The following NECTIN3 variants were observed in gnomAD, a reference collection of about 807,000 sequenced individuals.
NECTIN3 encodes the protein nectin-3.
In NECTIN3, 8 loss-of-function variants were observed where a neutral mutation model predicts 49.4. That is an observed-to-expected ratio of 0.16 (90% confidence interval 0.10 to 0.29). The LOEUF is 0.29. Among genes scored for constraint, NECTIN3 ranks in the 10% least tolerant of loss-of-function variants. NECTIN3 has a pLI of 1.00. For missense variants in NECTIN3, 581 were observed against 654.6 expected (o/e 0.89, Z 1.23); for synonymous variants, 277 against 241.1 (o/e 1.15, Z -1.38).
intron 7 of NECTIN3, among the ~76,000 whole-genome samples, chr3:111,149,217 G>A (rs2034947115): frequency 6.6e-6 from 1 of 152,036 alleles, no homozygotes; most frequent in Non-Finnish European, 1.5e-5. Context: ...CCTAAACCAA[G>A]ATACTGCTGT....
intron 1 of NECTIN3, among the ~76,000 whole-genome samples, chr3:111,090,929 AGT>A (rs112171056): frequency 9.8e-4 from 138 of 140,136 alleles, no homozygotes; most frequent in African/African-American, 2.9e-3. Flanking sequence ...CATTAGTGCT[AGT>A]GTGTGTGTGT....
At position 111,136,165 on chromosome 3, in the gene NECTIN3, C is replaced by A; in HGVS notation, c.*1950C>A. ...GCTTTTTTTAAAATCAAAATTTCAT[C>A]TTTTAAAATAATGGTTTGAAATACT... On this transcript the variant is annotated 3_prime_UTR_variant, in exon 6 of 6. Transcript: ENST00000485303. The A allele has an allele frequency of 1.0e-6, 1 of 977,208 alleles. No homozygotes were observed. The highest frequency in any genetic ancestry group is 1.2e-6 in the Non-Finnish European group (1 of 822,804). The allele number at this position is 977,208 out of a possible 1,614,324, so 60.5% of individuals were successfully genotyped here. A position where few individuals can be genotyped will look rare whatever the true frequency, so the allele number is the denominator to read the frequency against.
intron 6 of NECTIN3, among the ~76,000 whole-genome samples, chr3:111,145,796 T>C (rs193087503): frequency 6.6e-6 from 1 of 152,358 alleles, no homozygotes; most frequent in Non-Finnish European, 1.5e-5. Context: ...AATGTTTTTA[T>C]GTTGGGACAT....
At position 111,146,200 on chromosome 3, in the gene NECTIN3, C is replaced by T. The variant is rs181018741; in HGVS notation, c.1139+1163C>T. On this transcript the variant is annotated intron_variant, in intron 6 of 8. Coordinates refer to the NECTIN3 transcript ENST00000493615. ...CTGTAATCCCAGCACTTTGGGAGGCCGAGGCGGGCGGATCACGAGGTCAGG... is the reference window on the plus strand; with the variant it reads ...CTGTAATCCCAGCACTTTGGGAGGCTGAGGCGGGCGGATCACGAGGTCAGG... Among the ~76,000 whole-genome samples, 57 of 152,054 alleles carry T rather than the reference C, an allele frequency of 3.7e-4. No individual in the cohort carries two copies. In the East Asian group the frequency reaches 0.01, roughly 28 times the overall value.
At chr3:111,101,493 A>C (rs1334498218) in intron 1 of NECTIN3, among the ~76,000 whole-genome samples, 2 of 152,132 alleles carry the variant, frequency 1.3e-5, no homozygotes, top group Non-Finnish European at 2.9e-5. Context: ...TAGAAACGTA[A>C]ACTTTTAAAA....
At chr3:111,129,998 C>G (rs1327257334) in intron 5 of NECTIN3, among the ~76,000 whole-genome samples, 3 of 150,020 alleles carry the variant, frequency 2.0e-5, no homozygotes, top group Non-Finnish European at 4.4e-5. Flanking sequence ...CTCTGTCGCC[C>G]AGGCTTGAGT....
intron 6 of NECTIN3, among the ~76,000 whole-genome samples, chr3:111,145,992 T>A (rs901268468): frequency 7.2e-5 from 11 of 152,144 alleles, no homozygotes; most frequent in African/African-American, 1.2e-4. Context: ...ATGAGCCTCA[T>A]TTTTTTCACC....
intron 5 of NECTIN3, among the ~76,000 whole-genome samples, chr3:111,127,120 T>C (rs2034194564): frequency 6.6e-6 from 1 of 152,136 alleles, no homozygotes. Flanking sequence ...AATGGAAAAT[T>C]AAGAGGTAAA....
At chr3:111,164,226 G>A (rs777549323) in intron 7 of NECTIN3, among the ~76,000 whole-genome samples, 2 of 151,854 alleles carry the variant, frequency 1.3e-5, no homozygotes, top group Admixed American at 1.3e-4. Context: ...TAAAAGTCTG[G>A]TTACCAAGAT....
At chr3:111,101,695 A>G (rs1369742424) in intron 1 of NECTIN3, among the ~76,000 whole-genome samples, 1 of 152,194 alleles carries the variant, frequency 6.6e-6, no homozygotes, top group Admixed American at 6.5e-5. Flanking sequence ...TACTTGAAAT[A>G]TGGCTTGTAA....
chr3:111,111,835 T>A (rs565154975), intron 1 of NECTIN3, among the ~76,000 whole-genome samples, 195 bp from the exon 2 acceptor site: 10 of 152,148 alleles, frequency 6.6e-5, no homozygotes, highest in African/African-American at 2.2e-4. Flanking sequence ...CTAGTTCATT[T>A]CTTTTTGTTA....
intron 7 of NECTIN3, among the ~76,000 whole-genome samples, chr3:111,176,247 C>G (rs1455926756): frequency 6.6e-6 from 1 of 152,150 alleles, no homozygotes; most frequent in Non-Finnish European, 1.5e-5. Flanking sequence ...GCATTGAAAA[C>G]AAGAAAAATC....
chr3:111,134,050 GA>G lies in NECTIN3; in HGVS notation c.1487del (p.Asn496ThrfsTer3). On this transcript the variant is annotated frameshift_variant, in exon 6 of 6. Transcript: ENST00000485303. LOFTEE classifies it high-confidence loss of function. ...TAGAAGAGCCTGAAAAAACTCAGTG[GA>G]ACAATGTAGAAAATCTCAATAGGTT... ...YLEEPEKTQW[N>X]NVENLNRFER... The G allele has an allele frequency of 6.2e-7, 1 of 1,613,412 alleles. No individual in the cohort carries two copies.
intron 3 of NECTIN3, among the ~76,000 whole-genome samples, chr3:111,120,323 G>A (rs917091956): frequency 1.3e-5 from 2 of 151,456 alleles, no homozygotes; most frequent in Admixed American, 1.3e-4. Context: ...TGATTTGTTG[G>A]CTTACTCCTA....
chr3:111,122,007 G>GA, intron 3 of NECTIN3, 114 bp from the exon 4 acceptor site: 1 of 708,400 alleles, frequency 1.4e-6, no homozygotes, highest in South Asian at 2.0e-5. Flanking sequence ...TGAGACTAAG[G>GA]AAAAATGGTT....
At chr3:111,119,168 A>G (rs1206638110) in intron 3 of NECTIN3, among the ~76,000 whole-genome samples, 1 of 152,180 alleles carries the variant, frequency 6.6e-6, no homozygotes, top group Non-Finnish European at 1.5e-5. Flanking sequence ...TTATATAACC[A>G]TTTCCTTTTA....
chr3:111,146,499 T>G (rs1474196165), intron 6 of NECTIN3, among the ~76,000 whole-genome samples: 1 of 152,118 alleles, frequency 6.6e-6, no homozygotes, highest in Non-Finnish European at 1.5e-5. Context: ...ATCTTGGTTT[T>G]TCTATAATTT....
At chr3:111,162,364 G>A (rs1175752917) in intron 7 of NECTIN3, among the ~76,000 whole-genome samples, 1 of 152,070 alleles carries the variant, frequency 6.6e-6, no homozygotes, top group Non-Finnish European at 1.5e-5. Context: ...ATGGGGGCAG[G>A]TTTCCCCATG....
At chr3:111,072,320 T>C in intron 1 of NECTIN3, 143 bp downstream of exon 1, 1 of 1,432,250 alleles carries the variant, frequency 7.0e-7, no homozygotes, top group Non-Finnish European at 9.1e-7. Flanking sequence ...GCTGGAAACT[T>C]TTCGCCGCGC....
Sources: allele counts gnomAD v4.1 joint callset (sites outside exome capture counted in the v4.1 genomes callset), GRCh38; gene constraint gnomAD v4.1.1; transcripts MANE v1.5; gene names NCBI Gene and HGNC (gene_info 2026-07-23, HGNC 2026-07-21).